The following C4BPB variants were observed in gnomAD, a reference collection of about 807,000 sequenced individuals.
C4BPB encodes the protein complement component 4 binding protein beta.
C4BPB carries 19 observed loss-of-function variants against 26.6 expected under a neutral mutation model. That is an observed-to-expected ratio of 0.71 (90% confidence interval 0.50 to 1.05). The LOEUF (loss-of-function observed/expected upper bound fraction) is 1.05, where lower values mean the gene tolerates loss of function less well. Among genes scored for constraint, C4BPB ranks in the 50% least tolerant of loss-of-function variants. C4BPB has a pLI of 0.00. For synonymous variants in C4BPB, 118 were observed against 103.5 expected, an observed-to-expected ratio of 1.14 and a Z score of -0.85; for missense variants, 282 against 302.9, an observed-to-expected ratio of 0.93 and a Z score of 0.51.
chr1:207,089,428 G>A (rs1476531703), intron 1 of C4BPB, 54 bp from the exon 2 acceptor site: 1 of 883,014 alleles, frequency 1.1e-6, no homozygotes, highest in Non-Finnish European at 1.9e-6. Flanking sequence ...CTAGAGAGGA[G>A]GTGGTTAGGT....
intron 6 of C4BPB, 59 bp from the exon 7 acceptor site, chr1:207,099,730 A>T: frequency 6.8e-7 from 1 of 1,475,614 alleles, no homozygotes; most frequent in Non-Finnish European, 9.2e-7. Context: ...CTGGCTTCAG[A>T]GTATATAGCT....
At chr1:207,095,118 T>G in intron 4 of C4BPB, 1 of 352,866 alleles carries the variant, frequency 2.8e-6, no homozygotes, top group East Asian at 8.1e-5. Context: ...TTTAGTGTCC[T>G]GTGGTCTCAG....
In C4BPB at chr1:207,091,811, T is replaced by G; in HGVS notation, c.400T>G (p.Cys134Gly). ...CACCTGGGCACCTCCCTTTCCCATC[T>G]GCAAAAGTAGTAAGTACAAGAGAAA... The part of the protein sequence containing the change: ...DHTWAPPFPI[C>G]KSRDCDPPGN... Residue 134 changes from cysteine (C) to glycine (G), a missense_variant, in exon 4 of 7, where the codon TGC becomes GGC. Physicochemically the swap from Cys to Gly is radical, Grantham distance 159 (BLOSUM62 -3). Coordinates refer to ENST00000367078, the MANE Select transcript of C4BPB (RefSeq NM_001017365.3). 1.9e-6 allele frequency: 3 copies of G among 1,612,632 alleles called. No individual in the cohort carries two copies. The highest frequency in any genetic ancestry group is 2.5e-6 in the Non-Finnish European group (3 of 1,179,290).
chr1:207,094,765 C>T (rs1684176806), intron 4 of C4BPB, among the ~76,000 whole-genome samples: 2 of 152,216 alleles, frequency 1.3e-5, no homozygotes, highest in South Asian at 2.1e-4. Flanking sequence ...TTGCTTTCCT[C>T]TATTCAGCCT....
Position 207,099,774 on chromosome 1 carries a change from A to T in C4BPB, c.619-15A>T, listed in dbSNP as rs754115186. ...GTCCTTATGTTGTAACTTGTGAAAAATTTTCTTTCTTCAGCTTGCCTTTCA... is the reference window on the plus strand; with the variant it reads ...GTCCTTATGTTGTAACTTGTGAAAATTTTTCTTTCTTCAGCTTGCCTTTCA... On this transcript the variant is annotated splice_polypyrimidine_tract_variant and intron_variant, in intron 6 of 6. Coordinates refer to ENST00000367078, the MANE Select transcript of C4BPB (RefSeq NM_001017365.3). 1.0e-5 allele frequency: 16 copies of T among 1,606,600 alleles called. No homozygotes were observed. The South Asian group carries it at 1.5e-4, about 15-fold the overall frequency.
intron 4 of C4BPB, 114 bp downstream of exon 4, chr1:207,091,934 T>A: frequency 2.3e-6 from 2 of 874,376 alleles, no homozygotes; most frequent in Non-Finnish European, 3.4e-6. Context: ...GAGACAGGCT[T>A]AAGATCTAGC....
chr1:207,098,976 T>C (rs910991379), intron 6 of C4BPB, among the ~76,000 whole-genome samples: 7 of 151,660 alleles, frequency 4.6e-5, no homozygotes, highest in Non-Finnish European at 8.8e-5. Context: ...CTGGGAGTGA[T>C]GGGAGACAGT....
intron 4 of C4BPB, chr1:207,096,288 G>A (rs1189272190): frequency 5.9e-6 from 3 of 506,424 alleles, no homozygotes; most frequent in Non-Finnish European, 1.1e-5. Flanking sequence ...TACTAACTCA[G>A]AAGATGGGCT....
At chr1:207,096,674 G>A in intron 5 of C4BPB, 59 bp downstream of exon 5, 1 of 927,876 alleles carries the variant, frequency 1.1e-6, no homozygotes, top group Non-Finnish European at 1.7e-6. Flanking sequence ...TTGTTTTGGG[G>A]AATAACCCAG....
At position 207,089,590 on chromosome 1, in the gene C4BPB, G is replaced by A. The variant is rs748127905; in HGVS notation, c.58+1G>A. Reference sequence around the variant, plus strand: ...GCGTGGCGAGTTTCTGCTTCAGATGGTACGTATGCTTTCCTTCAACTCAGC... The same window carrying A: ...GCGTGGCGAGTTTCTGCTTCAGATGATACGTATGCTTTCCTTCAACTCAGC... On this transcript the variant is annotated splice_donor_variant, in intron 2 of 6. Coordinates refer to ENST00000367078, the MANE Select transcript of C4BPB (RefSeq NM_001017365.3). LOFTEE classifies it high-confidence loss of function. 2 of 1,613,856 alleles carry A rather than the reference G, an allele frequency of 1.2e-6. No homozygotes were observed. The highest frequency in any genetic ancestry group is 3.3e-5 in the Admixed American group (2 of 60,008).
In C4BPB at chr1:207,090,288, T is replaced by C. The variant is rs931819963; in HGVS notation, c.59-20T>C. On this transcript the variant is annotated intron_variant, in intron 2 of 6. Transcript: ENST00000367078. ...CAGCACATGATATGCCAAGTGAATC[T>C]GTTTTCTTTTTTCTTCCAGCAGAGC... 5 of 1,581,134 alleles carry C rather than the reference T, an allele frequency of 3.2e-6. No individual in the cohort carries two copies. The highest frequency in any genetic ancestry group is 1.9e-5 in the Admixed American group (1 of 53,606).
intron 6 of C4BPB, among the ~76,000 whole-genome samples, chr1:207,098,534 T>G (rs1409912787): frequency 6.6e-6 from 1 of 152,172 alleles, no homozygotes; most frequent in Non-Finnish European, 1.5e-5. Flanking sequence ...TATAGAGCAG[T>G]GGTTCCCAAC....
intron 3 of C4BPB, among the ~76,000 whole-genome samples, 156 bp from the exon 4 acceptor site, chr1:207,091,488 G>T (rs1205670358): frequency 2.0e-5 from 3 of 152,020 alleles, no homozygotes; most frequent in Admixed American, 2.0e-4. Context: ...TTTTCATTCT[G>T]CATTGATATG....
intron 6 of C4BPB, 55 bp from the exon 7 acceptor site, chr1:207,099,734 T>C (rs912601109): frequency 2.6e-6 from 4 of 1,536,246 alleles, no homozygotes; most frequent in East Asian, 2.3e-5. Context: ...CTTCAGAGTA[T>C]ATAGCTGGGT....
In C4BPB at chr1:207,098,221, A is replaced by G. The variant is rs1256078108; in HGVS notation, c.575A>G (p.Lys192Arg). 1 of 1,613,968 alleles carries G rather than the reference A, an allele frequency of 6.2e-7. No individual in the cohort carries two copies. Among genetic ancestry groups the G allele is most frequent in the Non-Finnish European group, 8.5e-7 (1 of 1,179,932 alleles). The change falls in exon 6 of 7, where the codon AAG (lysine) becomes AGG (arginine). Residue 192 changes from lysine (K) to arginine (R), a missense_variant. Lys to Arg is a conservative substitution (Grantham distance 26, BLOSUM62 2). Transcript: ENST00000367078. ...GEWSSALPVC[K>R]LIQEAPKPEC... ...TGGAGCAGTGCACTTCCAGTCTGCA[A>G]GTTGATCCAGGAAGCTCCCAAACCA...
In C4BPB at chr1:207,089,485, T is replaced by A. The variant is rs1163362491; in HGVS notation, c.-47T>A. The A allele has an allele frequency of 6.3e-7, 1 of 1,575,290 alleles. No homozygotes were observed. Among genetic ancestry groups the A allele is most frequent in the South Asian group, 1.1e-5 (1 of 90,216 alleles). On this transcript the variant is annotated 5_prime_UTR_variant, in exon 2 of 7. Coordinates refer to ENST00000367078, the MANE Select transcript of C4BPB (RefSeq NM_001017365.3). The stretch of plus-strand genomic sequence containing the variant: ...GATCTATTTTTTTTCAAACCAGGTG[T>A]CTGAGCTGGGTGAATTCCAGCCTGG...
intron 5 of C4BPB, among the ~76,000 whole-genome samples, chr1:207,097,624 A>G (rs1558079887): frequency 6.6e-6 from 1 of 152,002 alleles, no homozygotes; most frequent in Non-Finnish European, 1.5e-5. Flanking sequence ...CTTAGTGTAT[A>G]GACCCTTAAA....
chr1:207,091,888 C>T, intron 4 of C4BPB, 68 bp downstream of exon 4: 6 of 1,321,690 alleles, frequency 4.5e-6, no homozygotes, highest in Non-Finnish European at 6.2e-6. Flanking sequence ...AGACATTTGC[C>T]ACATCCCTGG....
rs564412483 is a variant in C4BPB at position 207,090,479 on chromosome 1, G to A, written c.230G>A (p.Arg77His). The A allele has an allele frequency of 2.5e-6, 4 of 1,603,644 alleles. No individual in the cohort carries two copies. Among genetic ancestry groups the A allele is most frequent in the African/African-American group, 2.7e-5 (2 of 74,300 alleles). Reference protein sequence around the residue: ...KEWDNTTTECRLGHCPDPVLV... With the variant: ...KEWDNTTTECHLGHCPDPVLV... ...TGGGATAACACCACTACTGAGTGCC[G>A]CTGTAAGTTAGATCTTTCTGTATCT... is the stretch of plus-strand genomic sequence containing the variant. Residue 77 changes from arginine (R) to histidine (H), a missense_variant and splice_region_variant, in exon 3 of 7, where the codon CGC (arginine) becomes CAC (histidine). Transcript: ENST00000367078.
Sources: allele counts gnomAD v4.1 joint callset (sites outside exome capture counted in the v4.1 genomes callset), GRCh38; gene constraint gnomAD v4.1.1; transcripts MANE v1.5; gene names NCBI Gene and HGNC (gene_info 2026-07-23, HGNC 2026-07-21).